The following PCDHB11 variants were observed in gnomAD, a reference collection of about 807,000 sequenced individuals.
PCDHB11 encodes the protein protocadherin beta-11.
For missense variants in PCDHB11, 1,151 were observed against 1,003.4 expected (o/e 1.15, Z -1.99); for synonymous variants, 522 against 442.0 (o/e 1.18, Z -2.27).
Position 141,201,815 on chromosome 5 carries a change from G to A in PCDHB11, c.2041G>A (p.Ala681Thr). The A allele has an allele frequency of 6.2e-7, 1 of 1,610,452 alleles. No individual in the cohort carries two copies. The highest frequency in any genetic ancestry group is 1.7e-5 in the Admixed American group (1 of 60,022). The change falls in exon 1 of 1, where the codon GCC (alanine) becomes ACC (threonine). Residue 681 changes from alanine to threonine, a missense_variant. Coordinates refer to ENST00000354757, the MANE Select transcript of PCDHB11 (RefSeq NM_018931.3). ...LPLPEAAPAQ[A>T]QADSLTVYLV... ...GCTCCCTGAGGCGGCACCGGCCCAG[G>A]CCCAGGCCGACTCGCTCACCGTCTA...
Position 141,201,131 on chromosome 5 carries a change from C to G in PCDHB11, c.1357C>G (p.Gln453Glu), listed in dbSNP as rs368011169. Residue 453 changes from glutamine to glutamate, a missense_variant, in exon 1 of 1, where the codon CAA becomes GAA. Coordinates refer to ENST00000354757, the MANE Select transcript of PCDHB11 (RefSeq NM_018931.3). ...CAATGACAACGCCCCCACCTTCACC[C>G]AAACCTCCTACACCCTGTTCGTCCG... Reference protein sequence around the residue: ...DVNDNAPTFTQTSYTLFVREN... With the variant: ...DVNDNAPTFTETSYTLFVREN... 6.2e-7 allele frequency: 1 copy of G among 1,614,066 alleles called. No individual in the cohort carries two copies. Among genetic ancestry groups the G allele is most frequent in the African/African-American group, 1.3e-5 (1 of 75,040 alleles).
chr5:141,202,289 T>A lies in PCDHB11; in HGVS notation c.*121T>A. The A allele has an allele frequency of 9.7e-7, 1 of 1,036,116 alleles. No homozygotes were observed. The highest frequency in any genetic ancestry group is 1.3e-6 in the Non-Finnish European group (1 of 742,406). 64.2% of individuals were successfully genotyped at this position (1,036,116 alleles called of 1,614,324 possible). On this transcript the variant is annotated 3_prime_UTR_variant, in exon 1 of 1. Coordinates refer to ENST00000354757, the MANE Select transcript of PCDHB11 (RefSeq NM_018931.3). ...GACTAATTGTATTTTTAATTTTTTC[T>A]TTTCTCCCCCAATTTTTTTTTTTTT...
rs556041933 is a variant in PCDHB11 at position 141,200,854 on chromosome 5, G to T, written c.1080G>T (p.Thr360=). 6 of 1,614,128 alleles carry T rather than the reference G, an allele frequency of 3.7e-6. No homozygotes were observed. The highest frequency in any genetic ancestry group is 1.1e-5 in the South Asian group (1 of 91,088). Residue 360 remains threonine, a synonymous_variant, in exon 1 of 1, where the codon ACG becomes ACT. Coordinates refer to ENST00000354757, the MANE Select transcript of PCDHB11 (RefSeq NM_018931.3). ...SSITSPIPEN[T]PETVVMVFSI... ...TTACCAGTCCAATCCCAGAAAATAC[G>T]CCAGAGACCGTGGTTATGGTTTTTA... is the stretch of plus-strand genomic sequence containing the variant.
At position 141,200,989 on chromosome 5, in the gene PCDHB11, A is replaced by C. The variant is rs1554285446; in HGVS notation, c.1215A>C (p.Thr405=). 2 of 1,613,760 alleles carry C rather than the reference A, an allele frequency of 1.2e-6. No individual in the cohort carries two copies. Among genetic ancestry groups the C allele is most frequent in the Non-Finnish European group, 1.7e-6 (2 of 1,179,994 alleles). The part of the protein sequence containing the change: ...SSVENYYTLE[T]ERPLDRESTA... ...TTGAGAATTACTACACGTTGGAAAC[A>C]GAGAGACCACTGGACAGAGAGAGCA... is the stretch of plus-strand genomic sequence containing the variant. Residue 405 remains threonine (T), a synonymous_variant, in exon 1 of 1, where the codon ACA becomes ACC. Coordinates refer to ENST00000354757, the MANE Select transcript of PCDHB11 (RefSeq NM_018931.3).
At position 141,200,016 on chromosome 5, in the gene PCDHB11, C is replaced by T. The variant is rs1201242380; in HGVS notation, c.242C>T (p.Thr81Ile). 1.9e-6 allele frequency: 3 copies of T among 1,614,058 alleles called. No homozygotes were observed. The highest frequency in any genetic ancestry group is 2.5e-6 in the Non-Finnish European group (3 of 1,180,044). Residue 81 changes from threonine (T) to isoleucine (I), a missense_variant, in exon 1 of 1, where the codon ACT becomes ATT. By Grantham distance (89) the Thr-to-Ile change is moderately conservative. Transcript: ENST00000354757. ...KKQRLQLDIN[T>I]GDLLLSETLD... is the part of the protein sequence containing the mutation. ...CAGCGTTTGCAGCTGGACATAAACA[C>T]TGGGGATTTGCTCTTAAGTGAAACA...
chr5:141,201,335 T>C lies in PCDHB11; in HGVS notation c.1561T>C (p.Tyr521His), dbSNP rs1754180908. 6.2e-7 allele frequency: 1 copy of C among 1,613,288 alleles called. No homozygotes were observed. ...CCTGTTCGCCCTCAGGTCGCTGGAC[T>C]ACGAGGCCCTGCAGGCTTTCGACTT... ...GHLFALRSLDYEALQAFDFRV... is the reference protein window; with the variant it reads ...GHLFALRSLDHEALQAFDFRV... Residue 521 changes from tyrosine to histidine, a missense_variant, in exon 1 of 1, where the codon TAC becomes CAC. By Grantham distance (83) the Tyr-to-His change is moderately conservative. Coordinates refer to ENST00000354757, the MANE Select transcript of PCDHB11 (RefSeq NM_018931.3).
rs1554285567 is a variant in PCDHB11 at position 141,201,329 on chromosome 5, C to G, written c.1555C>G (p.Leu519Val). 1.2e-6 allele frequency: 2 copies of G among 1,613,370 alleles called. No homozygotes were observed. Among genetic ancestry groups the G allele is most frequent in the Non-Finnish European group, 8.5e-7 (1 of 1,179,974 alleles). The part of the protein sequence containing the change: ...DNGHLFALRS[L>V]DYEALQAFDF... ...CGGCCACCTGTTCGCCCTCAGGTCG[C>G]TGGACTACGAGGCCCTGCAGGCTTT... Residue 519 changes from leucine (L) to valine (V), a missense_variant, in exon 1 of 1, where the codon CTG becomes GTG. Coordinates refer to ENST00000354757, the MANE Select transcript of PCDHB11 (RefSeq NM_018931.3).
chr5:141,202,300 AAT>A lies in PCDHB11; in HGVS notation c.*133_*134del. The A allele has an allele frequency of 3.6e-6, 3 of 843,362 alleles. No individual in the cohort carries two copies. The highest frequency in any genetic ancestry group is 3.2e-5 in the East Asian group (1 of 31,664). 52.2% of individuals were successfully genotyped at this position (843,362 alleles called of 1,614,324 possible). On this transcript the variant is annotated 3_prime_UTR_variant, in exon 1 of 1. Coordinates refer to ENST00000354757, the MANE Select transcript of PCDHB11 (RefSeq NM_018931.3). ...TTTTTAATTTTTTCTTTTCTCCCCC[AAT>A]TTTTTTTTTTTTTTTGAGACCGAGT...
In PCDHB11 at chr5:141,199,718, A is replaced by C; in HGVS notation, c.-57A>C. ...CCACAGAGGATTTGGTGGACAAGTC[A>C]GAGACGCGTTCCGCAGAGCTGAAGC... On this transcript the variant is annotated 5_prime_UTR_variant, in exon 1 of 1. Transcript: ENST00000354757. 6.7e-7 allele frequency: 1 copy of C among 1,486,532 alleles called. No individual in the cohort carries two copies. Among genetic ancestry groups the C allele is most frequent in the Non-Finnish European group, 9.2e-7 (1 of 1,085,970 alleles). 92.1% of individuals were successfully genotyped at this position (1,486,532 alleles called of 1,614,324 possible). A position where few individuals can be genotyped will look rare whatever the true frequency, so the allele number is the denominator to read the frequency against.
Position 141,199,800 on chromosome 5 carries a change from A to G in PCDHB11, c.26A>G (p.Gln9Arg). 6.2e-7 allele frequency: 1 copy of G among 1,614,238 alleles called. No homozygotes were observed. The highest frequency in any genetic ancestry group is 2.2e-5 in the East Asian group (1 of 44,884). Reference sequence around the variant, plus strand: ...ATGGAGAACCAAGGGACACGCACTCAGCAGATAAGGCAAGTCCTGCTTCTC... The same window carrying G: ...ATGGAGAACCAAGGGACACGCACTCGGCAGATAAGGCAAGTCCTGCTTCTC... MENQGTRTQQIRQVLLLFV... is the reference protein window; with the variant it reads MENQGTRTRQIRQVLLLFV... The change falls in exon 1 of 1, where the codon CAG (glutamine) becomes CGG (arginine). Residue 9 changes from glutamine (Q) to arginine (R), a missense_variant. Coordinates refer to ENST00000354757, the MANE Select transcript of PCDHB11 (RefSeq NM_018931.3).
At position 141,201,196 on chromosome 5, in the gene PCDHB11, C is replaced by T; in HGVS notation, c.1422C>T (p.Ser474=). Residue 474 remains serine (S), a synonymous_variant, in exon 1 of 1, where the codon AGC becomes AGT. Transcript: ENST00000354757. The part of the protein sequence containing the change: ...NSPALHIGSV[S]ATDRDSGTNA... ...CCGCCCTGCACATCGGCAGTGTCAG[C>T]GCTACAGACAGAGACTCAGGCACCA... 2 of 1,613,332 alleles carry T rather than the reference C, an allele frequency of 1.2e-6. No individual in the cohort carries two copies. Among genetic ancestry groups the T allele is most frequent in the East Asian group, 2.2e-5 (1 of 44,882 alleles).
In PCDHB11 at chr5:141,201,778, G is replaced by A. The variant is rs1204591534; in HGVS notation, c.2004G>A (p.Gln668=). 23 of 1,609,412 alleles carry A rather than the reference G, an allele frequency of 1.4e-5. No individual in the cohort carries two copies. The highest frequency in any genetic ancestry group is 1.9e-5 in the Non-Finnish European group (22 of 1,179,772). ...TGCTCCTGGTGGACGGCTTCTCCCAGCCCTACCTGCCGCTCCCTGAGGCGG... is the reference window on the plus strand; with the variant it reads ...TGCTCCTGGTGGACGGCTTCTCCCAACCCTACCTGCCGCTCCCTGAGGCGG... The part of the protein sequence containing the change: ...LQVLLVDGFS[Q]PYLPLPEAAP... The change falls in exon 1 of 1, where the codon CAG becomes CAA. Residue 668 remains glutamine (Q), a synonymous_variant. Transcript: ENST00000354757.
Position 141,200,212 on chromosome 5 carries a change from T to TCC in PCDHB11, c.440_441dup (p.Val148ProfsTer8). The TCC allele has an allele frequency of 6.2e-7, 1 of 1,614,112 alleles. No individual in the cohort carries two copies. Among genetic ancestry groups the TCC allele is most frequent in the South Asian group, 1.1e-5 (1 of 91,076 alleles). On this transcript the variant is annotated frameshift_variant, in exon 1 of 1. Transcript: ENST00000354757. LOFTEE classifies it low-confidence loss of function (END_TRUNC). ...TGCTCCTAGAAATCCCAGAGAACAG[T>TCC]CCCGTTGGTGCTGTGTTCTTACTAG...
At position 141,202,669 on chromosome 5, in the gene PCDHB11, G is replaced by A. The variant is rs1754234777; in HGVS notation, c.*501G>A. 1 of 151,372 alleles carries A rather than the reference G, an allele frequency of 6.6e-6. No individual in the cohort carries two copies. The allele number at this position is 151,372 out of a possible 1,614,324, so 9.4% of individuals were successfully genotyped here. On this transcript the variant is annotated 3_prime_UTR_variant, in exon 1 of 1. Transcript: ENST00000354757. ...TCTTAGTCACCCAGACTAGAGGTCA[G>A]TGGCAGGATCTCAGCTCACTGCAAC... is the stretch of plus-strand genomic sequence containing the variant.
In PCDHB11 at chr5:141,201,922, G is replaced by A. The variant is rs1754208787; in HGVS notation, c.2148G>A (p.Arg716=). The change falls in exon 1 of 1, where the codon AGG becomes AGA. Residue 716 remains arginine, a synonymous_variant. Transcript: ENST00000354757. The part of the protein sequence containing the change: ...LLFVAVRLCR[R]SRAASVGSCS... ...TCGTGGCGGTGCGGCTGTGCAGGAG[G>A]AGCAGGGCGGCCTCGGTGGGAAGCT... 4 of 1,613,056 alleles carry A rather than the reference G, an allele frequency of 2.5e-6. No homozygotes were observed. Among genetic ancestry groups the A allele is most frequent in the Non-Finnish European group, 3.4e-6 (4 of 1,179,306 alleles).
rs1420085300 is a variant in PCDHB11 at position 141,200,063 on chromosome 5, G to T, written c.289G>T (p.Gly97Cys). Residue 97 changes from glycine (G) to cysteine (C), a missense_variant, in exon 1 of 1, where the codon GGT becomes TGT. Physicochemically the swap from Gly to Cys is radical, Grantham distance 159 (BLOSUM62 -3). Transcript: ENST00000354757. ...SETLDREELC[G>C]SIEPCVLHLQ... ...AACACTAGACAGGGAGGAGCTCTGCGGTTCCATCGAGCCTTGCGTGCTACA... is the reference window on the plus strand; with the variant it reads ...AACACTAGACAGGGAGGAGCTCTGCTGTTCCATCGAGCCTTGCGTGCTACA... The T allele has an allele frequency of 1.2e-6, 2 of 1,614,026 alleles. No homozygotes were observed. Among genetic ancestry groups the T allele is most frequent in the Non-Finnish European group, 1.7e-6 (2 of 1,180,046 alleles).
chr5:141,201,032 A>T lies in PCDHB11; in HGVS notation c.1258A>T (p.Thr420Ser), dbSNP rs781818765. 29 of 1,614,074 alleles carry T rather than the reference A, an allele frequency of 1.8e-5. No homozygotes were observed. In the South Asian group the frequency reaches 2.0e-4, roughly 11 times the overall value. Residue 420 changes from threonine (T) to serine (S), a missense_variant, in exon 1 of 1, where the codon ACC (threonine) becomes TCC (serine). Thr to Ser is a moderately conservative substitution (Grantham distance 58, BLOSUM62 1). Coordinates refer to ENST00000354757, the MANE Select transcript of PCDHB11 (RefSeq NM_018931.3). Reference protein sequence around the residue: ...DRESTAEYNITITVTDLGIPR... With the variant: ...DRESTAEYNISITVTDLGIPR... ...AGAGAGCACAGCCGAGTACAATATC[A>T]CCATCACCGTCACCGACTTGGGGAT...
chr5:141,200,893 A>G lies in PCDHB11; in HGVS notation c.1119A>G (p.Ile373Met), dbSNP rs1431323266. The G allele has an allele frequency of 1.9e-6, 3 of 1,614,088 alleles. No individual in the cohort carries two copies. The highest frequency in any genetic ancestry group is 2.2e-5 in the East Asian group (1 of 44,896). ...TTATGGTTTTTAGTATCCAAGATAT[A>G]GACTCTGGGGACAACGGAAGAATTG... is the stretch of plus-strand genomic sequence containing the variant. ...TVVMVFSIQD[I>M]DSGDNGRIVC... is the part of the protein sequence containing the mutation. Residue 373 changes from isoleucine (I) to methionine (M), a missense_variant, in exon 1 of 1, where the codon ATA becomes ATG. Transcript: ENST00000354757.
In PCDHB11 at chr5:141,201,108, A is replaced by G. The variant is rs782796312; in HGVS notation, c.1334A>G (p.Asn445Ser). Residue 445 changes from asparagine (N) to serine (S), a missense_variant, in exon 1 of 1, where the codon AAT (asparagine) becomes AGT (serine). By Grantham distance (46) the Asn-to-Ser change is conservative. Transcript: ENST00000354757. Reference protein sequence around the residue: ...HNTTVLVSDVNDNAPTFTQTS... With the variant: ...HNTTVLVSDVSDNAPTFTQTS... ...ACAACTGTGTTGGTCTCTGACGTCAATGACAACGCCCCCACCTTCACCCAA... is the reference window on the plus strand; with the variant it reads ...ACAACTGTGTTGGTCTCTGACGTCAGTGACAACGCCCCCACCTTCACCCAA... 6.2e-7 allele frequency: 1 copy of G among 1,614,124 alleles called. No individual in the cohort carries two copies. Among genetic ancestry groups the G allele is most frequent in the Non-Finnish European group, 8.5e-7 (1 of 1,180,030 alleles).
Sources: gnomAD v4.1 joint callset for allele counts on GRCh38, gnomAD v4.1.1 for gene constraint, MANE v1.5 for transcripts, NCBI Gene and HGNC (gene_info 2026-07-23, HGNC 2026-07-21) for gene names.